The following CALHM4 variants were observed in gnomAD, a reference collection of about 807,000 sequenced individuals.
The protein encoded by CALHM4 is calcium homeostasis modulator family member 4.
In CALHM4, 16 loss-of-function variants were observed where a neutral mutation model predicts 13.3. That is an observed-to-expected ratio of 1.20 (90% confidence interval 0.81 to 1.82). The LOEUF (loss-of-function observed/expected upper bound fraction) is 1.82. Among genes scored for constraint, CALHM4 ranks in the 40% most tolerant of loss-of-function variants. The probability of loss-of-function intolerance (pLI) is 0.00; values close to 1 mark genes in which losing one functional copy is unlikely to be tolerated. For missense variants in CALHM4, 344 were observed against 374.9 expected, an observed-to-expected ratio of 0.92 and a Z score of 0.68; for synonymous variants, 127 against 137.1, an observed-to-expected ratio of 0.93 and a Z score of 0.52.
chr6:116,530,843 A>C (rs565900959), intron 1 of CALHM4, among the ~76,000 whole-genome samples: 1 of 145,950 alleles, frequency 6.9e-6, no homozygotes, highest in Non-Finnish European at 1.5e-5. Flanking sequence ...AAGAAAAACA[A>C]ACACCAGCAT....
chr6:116,547,994 C>T (rs369671407), intron 2 of CALHM4, among the ~76,000 whole-genome samples: 29 of 152,250 alleles, frequency 1.9e-4, no homozygotes, highest in South Asian at 1.0e-3. Flanking sequence ...GGATGACATC[C>T]GCTGATCTGT....
Position 116,558,117 on chromosome 6 carries a change from G to T in CALHM4, c.851G>T (p.Gly284Val). The change falls in exon 2 of 2, where the codon GGT (glycine) becomes GTT (valine). Residue 284 changes from glycine to valine, a missense_variant. Gly to Val is a moderately radical substitution (Grantham distance 109, BLOSUM62 -3). Coordinates refer to ENST00000368596, the MANE Select transcript of CALHM4 (RefSeq NM_001366078.2). ...DISVPTLLCM[G>V]DDLQGHYSFL... ...TCAGTACCCACTCTTTTATGCATGG[G>T]TGATGACTTGCAAGGTCACTATAGC... 1.9e-6 allele frequency: 3 copies of T among 1,614,164 alleles called. No homozygotes were observed. The highest frequency in any genetic ancestry group is 2.5e-6 in the Non-Finnish European group (3 of 1,180,012).
At chr6:116,536,279 C>G (rs1242814628) in intron 1 of CALHM4, among the ~76,000 whole-genome samples, 1 of 151,952 alleles carries the variant, frequency 6.6e-6, no homozygotes, top group Non-Finnish European at 1.5e-5. Context: ...AGATTTTTGC[C>G]TTCAATGATT....
chr6:116,557,679 G>A (rs1004390967), intron 1 of CALHM4, 146 bp from the exon 2 acceptor site: 6 of 818,518 alleles, frequency 7.3e-6, no homozygotes, highest in African/African-American at 1.7e-5. Flanking sequence ...TCATTAGCAC[G>A]TTGTTGATAT....
intron 2 of CALHM4, among the ~76,000 whole-genome samples, chr6:116,546,564 A>C (rs932254918): frequency 6.6e-6 from 1 of 152,254 alleles, no homozygotes; most frequent in Admixed American, 6.5e-5. Flanking sequence ...TGGAAGGCTC[A>C]GGCTGTTGCA....
chr6:116,548,355 G>A (rs1773902685), intron 2 of CALHM4, among the ~76,000 whole-genome samples: 1 of 152,148 alleles, frequency 6.6e-6, no homozygotes, highest in East Asian at 1.9e-4. Flanking sequence ...ATACTAGTCT[G>A]AAGTATTATA....
intron 1 of CALHM4, 77 bp from the exon 2 acceptor site, chr6:116,557,748 T>TC (rs1037844254): frequency 1.9e-5 from 29 of 1,493,248 alleles, no homozygotes; most frequent in Non-Finnish European, 2.5e-5. Flanking sequence ...TTTGTAGGAA[T>TC]CCCCCCTCCC....
Position 116,560,932 on chromosome 6 carries a change from C to T in CALHM4, c.*2721C>T, listed in dbSNP as rs949546560. On this transcript the variant is annotated 3_prime_UTR_variant, in exon 2 of 2. Transcript: ENST00000368596. ...GTCCCATCATGACCTAAGTTGCCAC[C>T]TTCCCAGGAGACAAATACAAACCAA... is the stretch of plus-strand genomic sequence containing the variant. Among the ~76,000 whole-genome samples, 2 of 152,198 alleles carry T rather than the reference C, an allele frequency of 1.3e-5. No individual in the cohort carries two copies. Among genetic ancestry groups the T allele is most frequent in the African/African-American group, 4.8e-5 (2 of 41,456 alleles).
rs758866285 is a variant in CALHM4, at chr6:116,557,811, A to T, written c.559-14A>T. Reference sequence around the variant, plus strand: ...TTGATACTTCCTGTTTTTCTTTTTAATAATGATGTGAAGATGCTGGGTTGG... The same window carrying T: ...TTGATACTTCCTGTTTTTCTTTTTATTAATGATGTGAAGATGCTGGGTTGG... On this transcript the variant is annotated splice_polypyrimidine_tract_variant and intron_variant, in intron 1 of 1. Transcript: ENST00000368596. 6.2e-6 allele frequency: 10 copies of T among 1,600,424 alleles called. No homozygotes were observed. The highest frequency in any genetic ancestry group is 8.5e-6 in the Non-Finnish European group (10 of 1,171,720).
chr6:116,546,328 G>A (rs546618075), intron 2 of CALHM4, among the ~76,000 whole-genome samples: 6 of 152,132 alleles, frequency 3.9e-5, no homozygotes, highest in Non-Finnish European at 8.8e-5. Flanking sequence ...AATACTTAAA[G>A]TTCAAATAAA....
chr6:116,541,469 C>T (rs951687569), intron 1 of CALHM4, among the ~76,000 whole-genome samples: 7 of 152,138 alleles, frequency 4.6e-5, no homozygotes, highest in South Asian at 4.1e-4. Context: ...ATGATTACTC[C>T]AGAGGCTCTA....
intron 1 of CALHM4, among the ~76,000 whole-genome samples, chr6:116,541,610 G>A (rs1285301287): frequency 6.6e-6 from 1 of 152,146 alleles, no homozygotes; most frequent in East Asian, 1.9e-4. Flanking sequence ...ATTCAGTTTA[G>A]CTTCCTTGAC....
At position 116,558,836 on chromosome 6, in the gene CALHM4, G is replaced by A. The variant is rs1774462481; in HGVS notation, c.*625G>A. On this transcript the variant is annotated 3_prime_UTR_variant, in exon 2 of 2. Coordinates refer to ENST00000368596, the MANE Select transcript of CALHM4 (RefSeq NM_001366078.2). ...TGTGAGGGAGAAGCCCATGCAGGAA[G>A]CTCTTGAGTTACTGTACTATAACCT... The A allele has an allele frequency of 6.6e-6, 1 of 152,200 alleles. No individual in the cohort carries two copies. Among genetic ancestry groups the A allele is most frequent in the South Asian group, 2.1e-4 (1 of 4,832 alleles). 9.4% of individuals were successfully genotyped at this position (152,200 alleles called of 1,614,324 possible). A position where few individuals can be genotyped will look rare whatever the true frequency, so the allele number is the denominator to read the frequency against.
intron 1 of CALHM4, chr6:116,543,390 A>C: frequency 6.5e-7 from 1 of 1,549,256 alleles, no homozygotes; most frequent in South Asian, 1.2e-5. Context: ...AAGGACAAAG[A>C]GATCTTTATT....
upstream of CALHM4, among the ~76,000 whole-genome samples, chr6:116,551,266 C>T (rs1483884796): frequency 2.6e-5 from 4 of 152,184 alleles, no homozygotes; most frequent in Non-Finnish European, 4.4e-5. Context: ...GTTGATATAA[C>T]CCCAGAATTA....
At chr6:116,530,396 C>T (rs1307068122) in intron 1 of CALHM4, among the ~76,000 whole-genome samples, 1 of 152,040 alleles carries the variant, frequency 6.6e-6, no homozygotes, top group East Asian at 1.9e-4. Context: ...AGAGAAAGGA[C>T]TGAAAAAGAC....
intron 1 of CALHM4, among the ~76,000 whole-genome samples, chr6:116,536,821 ACTT>A (rs1367473349): frequency 1.3e-5 from 2 of 152,186 alleles, no homozygotes; most frequent in Admixed American, 6.5e-5. Flanking sequence ...ACTACAGTAA[ACTT>A]CTTCTGAACT....
At position 116,547,371 on chromosome 6, in the gene CALHM4, G is replaced by C. The variant is rs532514511; in HGVS notation, c.-1+3499G>C. 6.2e-4 allele frequency among the ~76,000 whole-genome samples: 94 copies of C among 152,260 alleles called. 2 individuals are homozygous for C. The highest frequency in any genetic ancestry group is 2.2e-3 in the African/African-American group (93 of 41,544). ...GGTATGGTCACATTATGGCCATCGG[G>C]AGAATTCGGGATGTCATTGGATGTA... On this transcript the variant is annotated intron_variant, in intron 2 of 2. Transcript: ENST00000368597.
intron 1 of CALHM4, among the ~76,000 whole-genome samples, chr6:116,532,217 C>T (rs1772771038): frequency 6.6e-6 from 1 of 152,166 alleles, no homozygotes. Flanking sequence ...GGAGGAGCAA[C>T]AGGGTGTAGA....
Sources: gnomAD v4.1 joint callset for allele counts (sites outside exome capture counted in the v4.1 genomes callset) on GRCh38, gnomAD v4.1.1 for gene constraint, MANE v1.5 for transcripts, NCBI Gene and HGNC (gene_info 2026-07-23, HGNC 2026-07-21) for gene names.